Variants in SV2C observed in about 807,000 individuals in gnomAD.
SV2C encodes synaptic vesicle glycoprotein 2C.
SV2C carries 49 observed loss-of-function variants against 79.7 expected under a neutral mutation model. That is an observed-to-expected ratio of 0.61 (90% CI 0.49 to 0.78). SV2C has a LOEUF of 0.78. SV2C is among the 30% of genes least tolerant of loss of function. The probability of loss-of-function intolerance (pLI) is 0.00; values close to 1 mark genes in which losing one functional copy is unlikely to be tolerated. For missense variants in SV2C, 833 were observed against 912.9 expected (o/e 0.91, Z 1.13); for synonymous variants, 334 against 333.2 (o/e 1.00, Z -0.03).
At chr5:76,223,450 T>C (rs1169853767) in intron 4 of SV2C, among the ~76,000 whole-genome samples, 213 of 17,268 alleles carry the variant, frequency 0.012, 1 homozygote, top group Admixed American at 0.02. Flanking sequence ...CATACATATA[T>C]ATATATATAT....
the SV2C span, among the ~76,000 whole-genome samples, chr5:75,936,561 T>A: frequency 6.6e-6 from 1 of 152,186 alleles, no homozygotes. Flanking sequence ...CAGAAGTTTG[T>A]GGACAGTGAC....
At chr5:76,222,485 G>T (rs1745096006) in intron 4 of SV2C, among the ~76,000 whole-genome samples, 2 of 152,098 alleles carry the variant, frequency 1.3e-5, no homozygotes, top group African/African-American at 4.8e-5. Flanking sequence ...CTATAAAGGA[G>T]TTGCATCTGG....
At chr5:76,281,763 C>A (rs1160745229) in intron 4 of SV2C, among the ~76,000 whole-genome samples, 1 of 152,210 alleles carries the variant, frequency 6.6e-6, no homozygotes, top group Non-Finnish European at 1.5e-5. Context: ...AAGTCTCTCT[C>A]CAAACTAATC....
the SV2C span, among the ~76,000 whole-genome samples, chr5:76,064,356 G>A: frequency 2.0e-5 from 3 of 152,132 alleles, no homozygotes; most frequent in South Asian, 2.1e-4. Flanking sequence ...CCCACCAGGC[G>A]GGAGTCTTCC....
At chr5:76,253,980 G>A (rs565103241) in intron 4 of SV2C, among the ~76,000 whole-genome samples, 16 of 152,140 alleles carry the variant, frequency 1.1e-4, no homozygotes, top group Non-Finnish European at 4.4e-5. Flanking sequence ...CTTGGCAGAA[G>A]GTAGAAATGT....
the SV2C span, among the ~76,000 whole-genome samples, chr5:76,050,395 T>C: frequency 2.0e-5 from 3 of 152,160 alleles, no homozygotes; most frequent in Non-Finnish European, 2.9e-5. Flanking sequence ...AGGAAAATCC[T>C]TGGTGTTATC....
At chr5:75,919,931 G>C in the SV2C span, among the ~76,000 whole-genome samples, 45 of 152,358 alleles carry the variant, frequency 3.0e-4, no homozygotes, top group African/African-American at 9.9e-4. Flanking sequence ...GTTAACTGCT[G>C]TCATACCTGT....
the SV2C span, among the ~76,000 whole-genome samples, chr5:76,064,951 G>C: frequency 6.6e-6 from 1 of 152,092 alleles, no homozygotes. Flanking sequence ...GTAAGTATTA[G>C]ATCTAAAAGA....
chr5:75,969,776 G>T, the SV2C span, among the ~76,000 whole-genome samples: 15 of 151,898 alleles, frequency 9.9e-5, no homozygotes, highest in Non-Finnish European at 1.5e-4. Flanking sequence ...AGACAGAAAA[G>T]TAACAAGGAT....
chr5:76,333,830 A>G lies in SV2C; in HGVS notation c.*8283A>G, dbSNP rs1749250911. 6.6e-6 allele frequency: 1 copy of G among 152,222 alleles called. No homozygotes were observed. Among genetic ancestry groups the G allele is most frequent in the Admixed American group, 6.5e-5 (1 of 15,286 alleles). 9.4% of individuals were successfully genotyped at this position (152,222 alleles called of 1,614,324 possible). Reference sequence around the variant, plus strand: ...GGCTCGTGTACAGCATAAATCTATCAAACTTGGAATTGTGTATACATTTAT... The same window carrying G: ...GGCTCGTGTACAGCATAAATCTATCGAACTTGGAATTGTGTATACATTTAT... On this transcript the variant is annotated 3_prime_UTR_variant, in exon 13 of 13. Coordinates refer to ENST00000502798, the MANE Select transcript of SV2C (RefSeq NM_014979.4).
intron 2 of SV2C, among the ~76,000 whole-genome samples, chr5:76,137,336 G>A (rs1302874577): frequency 3.3e-5 from 5 of 152,156 alleles, no homozygotes; most frequent in East Asian, 1.9e-4. Context: ...TGTCAGAATC[G>A]GAAGCATTTC....
intron 2 of SV2C, among the ~76,000 whole-genome samples, chr5:76,156,565 G>T (rs543651799): frequency 1.3e-4 from 20 of 152,116 alleles, no homozygotes; most frequent in Non-Finnish European, 2.4e-4. Flanking sequence ...ATAGATACTG[G>T]CTGTGAGAGC....
At chr5:76,044,541 T>C in the SV2C span, among the ~76,000 whole-genome samples, 4 of 152,214 alleles carry the variant, frequency 2.6e-5, no homozygotes. Flanking sequence ...TGTAAAAGCA[T>C]TCCTATTTCT....
At chr5:75,876,535 C>T in the SV2C span, among the ~76,000 whole-genome samples, 43 of 151,868 alleles carry the variant, frequency 2.8e-4, no homozygotes, top group Non-Finnish European at 5.2e-4. Flanking sequence ...TGTTTACCTA[C>T]GTAACAAACC....
chr5:75,950,447 T>C, the SV2C span, among the ~76,000 whole-genome samples: 2 of 152,032 alleles, frequency 1.3e-5, no homozygotes, highest in Non-Finnish European at 2.9e-5. Flanking sequence ...TACAAAGTAA[T>C]ATGACTAATT....
chr5:76,147,692 T>G (rs1354272295), intron 2 of SV2C, among the ~76,000 whole-genome samples: 1 of 152,234 alleles, frequency 6.6e-6, no homozygotes, highest in Non-Finnish European at 1.5e-5. Flanking sequence ...TGTAGTTCAC[T>G]TGCAGTCAGA....
intron 2 of SV2C, among the ~76,000 whole-genome samples, chr5:76,139,872 T>TTTC (rs1271462659): frequency 1.6e-5 from 1 of 64,300 alleles, no homozygotes; most frequent in East Asian, 2.1e-4. Context: ...TTTTTTTTTT[T>TTTC]TTTTTTTTGA....
chr5:76,189,420 C>T (rs34040713), intron 2 of SV2C, among the ~76,000 whole-genome samples: 14,601 of 152,052 alleles, frequency 0.096, 884 homozygotes, highest in Non-Finnish European at 0.13. Flanking sequence ...GTGACTATTC[C>T]AGTAGCTGAT....
At chr5:76,183,395 C>A (rs1049407745) in intron 2 of SV2C, among the ~76,000 whole-genome samples, 1 of 151,864 alleles carries the variant, frequency 6.6e-6, no homozygotes, top group African/African-American at 2.4e-5. Flanking sequence ...CACCTCCCAC[C>A]AGGCCCCACC....
Sources: gnomAD v4.1 joint callset for allele counts (sites outside exome capture counted in the v4.1 genomes callset) on GRCh38, gnomAD v4.1.1 for gene constraint, MANE v1.5 for transcripts, NCBI Gene and HGNC (gene_info 2026-07-23, HGNC 2026-07-21) for gene names.